ABCB1: variants seen among roughly 807,000 people sequenced by gnomAD.
ABCB1 encodes the protein ATP binding cassette subfamily B member 1, also known as ATP-dependent translocase ABCB1.
In ABCB1, 69 loss-of-function variants were observed where a neutral mutation model predicts 142.0. The ratio of observed to expected loss-of-function variants is 0.49; its 90% CI spans 0.40 to 0.59. The LOEUF (loss-of-function observed/expected upper bound fraction) is 0.59, where lower values mean the gene tolerates loss of function less well. Among genes scored for constraint, ABCB1 ranks in the 20% least tolerant of loss-of-function variants. ABCB1 has a pLI of 0.00. For synonymous variants in ABCB1, 532 were observed against 539.2 expected (o/e 0.99, Z 0.18); for missense variants, 1,326 against 1,554.7 (o/e 0.85, Z 2.47).
At chr7:87,590,492 G>C (rs1265902163) in intron 3 of ABCB1, among the ~76,000 whole-genome samples, 2 of 152,194 alleles carry the variant, frequency 1.3e-5, no homozygotes, top group Non-Finnish European at 2.9e-5. Context: ...AGATTGGCTG[G>C]TCAGAGAATG....
At chr7:87,647,358 G>A (rs1823113087) in intron 1 of ABCB1, among the ~76,000 whole-genome samples, 1 of 152,068 alleles carries the variant, frequency 6.6e-6, no homozygotes, top group African/African-American at 2.4e-5. Context: ...TTTCTAAGAA[G>A]TGTATGCTGG....
At chr7:87,582,847 C>A (rs560916103) in intron 4 of ABCB1, among the ~76,000 whole-genome samples, 1 of 152,024 alleles carries the variant, frequency 6.6e-6, no homozygotes, top group East Asian at 1.9e-4. Flanking sequence ...AATGTAAAAT[C>A]CATTCTTAGT....
intron 26 of ABCB1, among the ~76,000 whole-genome samples, chr7:87,508,495 A>G (rs1234161215): frequency 6.6e-6 from 1 of 152,172 alleles, no homozygotes; most frequent in African/African-American, 2.4e-5. Context: ...AAACACAAAA[A>G]CTAATACACA....
chr7:87,676,225 T>TAAACAAAC (rs548602027), intron 1 of ABCB1, among the ~76,000 whole-genome samples: 36 of 152,086 alleles, frequency 2.4e-4, no homozygotes, highest in Non-Finnish European at 4.6e-4. Flanking sequence ...AGACCCTGTC[T>TAAACAAAC]AAACAAACAA....
At chr7:87,712,855 A>G (rs1830211890) in intron 1 of ABCB1, among the ~76,000 whole-genome samples, 1 of 152,150 alleles carries the variant, frequency 6.6e-6, no homozygotes, top group Non-Finnish European at 1.5e-5. Flanking sequence ...ACATACATAT[A>G]ATATTTACAC....
At chr7:87,668,363 T>C (rs973846696) in intron 1 of ABCB1, among the ~76,000 whole-genome samples, 2 of 152,050 alleles carry the variant, frequency 1.3e-5, no homozygotes, top group African/African-American at 4.8e-5. Flanking sequence ...TGTGTTTATT[T>C]GGAGCTTTTC....
At chr7:87,690,514 A>G (rs188481033) in intron 1 of ABCB1, among the ~76,000 whole-genome samples, 1 of 152,290 alleles carries the variant, frequency 6.6e-6, no homozygotes. Context: ...TTAAAGCAGT[A>G]TTTTTAAAGC....
At chr7:87,685,779 A>G (rs1827397427) in intron 1 of ABCB1, among the ~76,000 whole-genome samples, 2 of 152,166 alleles carry the variant, frequency 1.3e-5, no homozygotes, top group Admixed American at 1.3e-4. Context: ...CTATTTTTCA[A>G]AACTCATAGC....
chr7:87,648,532 CA>C (rs11307709), intron 1 of ABCB1, among the ~76,000 whole-genome samples: 24,395 of 134,320 alleles, frequency 0.18, 3,331 homozygotes, highest in African/African-American at 0.4. Flanking sequence ...TGCCAAAAGA[CA>C]AAAAAAAAAA....
intron 1 of ABCB1, among the ~76,000 whole-genome samples, chr7:87,700,806 A>G (rs1828965781): frequency 6.6e-6 from 1 of 152,232 alleles, no homozygotes. Flanking sequence ...ATATTTTTAT[A>G]TAATATCAAC....
At chr7:87,575,138 A>G (rs1563059277) in intron 4 of ABCB1, among the ~76,000 whole-genome samples, 1 of 152,234 alleles carries the variant, frequency 6.6e-6, no homozygotes, top group Non-Finnish European at 1.5e-5. Context: ...ACTTTAAAGG[A>G]TAAGACTGTA....
intron 1 of ABCB1, among the ~76,000 whole-genome samples, chr7:87,680,274 C>T (rs1347860031): frequency 1.3e-5 from 2 of 150,556 alleles, no homozygotes; most frequent in Admixed American, 1.3e-4. Flanking sequence ...TCCAGTCTAT[C>T]ATTGATAGAC....
At chr7:87,617,810 C>T (rs1820078188) in intron 1 of ABCB1, among the ~76,000 whole-genome samples, 1 of 152,160 alleles carries the variant, frequency 6.6e-6, no homozygotes, top group South Asian at 2.1e-4. Flanking sequence ...GGCTTCTCAA[C>T]ATTCTTAGGA....
At chr7:87,700,576 C>A in intron 1 of ABCB1, 6 of 1,582,342 alleles carry the variant, frequency 3.8e-6, no homozygotes, top group Admixed American at 1.9e-5. Context: ...GTCAGAGACT[C>A]GTTTCTATTT....
intron 1 of ABCB1, among the ~76,000 whole-genome samples, chr7:87,675,452 A>G (rs1271556612): frequency 6.6e-6 from 1 of 152,192 alleles, no homozygotes; most frequent in African/African-American, 2.4e-5. Context: ...ACTTCAAACT[A>G]TGTTACAATG....
In ABCB1 at chr7:87,691,322, A is replaced by T. The variant is rs139291341; in HGVS notation, c.-331+21839T>A. The stretch of plus-strand genomic sequence containing the variant: ...GTATAGAAGCATTCTTCTATTGCAT[A>T]TCCATCTCTGAGTTGATTCTGCCTT... On this transcript the variant is annotated intron_variant, in intron 1 of 28. Coordinates refer to the ABCB1 transcript ENST00000265724. Among the ~76,000 whole-genome samples, 183 of 152,244 alleles carry T rather than the reference A, an allele frequency of 1.2e-3. 2 individuals carry two copies. Among genetic ancestry groups the T allele is most frequent in the South Asian group, 0.011 (51 of 4,828 alleles).
intron 25 of ABCB1, among the ~76,000 whole-genome samples, chr7:87,512,068 A>G (rs1331209107): frequency 6.6e-6 from 1 of 152,148 alleles, no homozygotes; most frequent in African/African-American, 2.4e-5. Flanking sequence ...GTAAGTATTG[A>G]TGATAAATTA....
intron 1 of ABCB1, among the ~76,000 whole-genome samples, chr7:87,657,815 G>A (rs528273934): frequency 1.3e-5 from 2 of 152,126 alleles, no homozygotes; most frequent in Non-Finnish European, 2.9e-5. Context: ...TAGTAATGAG[G>A]ATGCCCTTAT....
At chr7:87,526,414 C>T (rs528201267) in intron 21 of ABCB1, among the ~76,000 whole-genome samples, 84 of 152,130 alleles carry the variant, frequency 5.5e-4, no homozygotes, top group African/African-American at 2.0e-3. Flanking sequence ...GGCACAGTGG[C>T]TCCCACCTGT....
Sources: allele counts gnomAD v4.1 joint callset (sites outside exome capture counted in the v4.1 genomes callset), GRCh38; gene constraint gnomAD v4.1.1; transcripts MANE v1.5; gene names NCBI Gene and HGNC (gene_info 2026-07-23, HGNC 2026-07-21).